Variants in NFX1 observed in about 807,000 individuals in gnomAD.
NFX1 encodes nuclear transcription factor, X-box binding 1, also known as transcriptional repressor NF-X1.
NFX1 carries 69 observed loss-of-function variants against 137.2 expected under a neutral mutation model. The ratio of observed to expected loss-of-function variants is 0.50; its 90% CI spans 0.41 to 0.61. The LOEUF (loss-of-function observed/expected upper bound fraction) is 0.61, where lower values mean the gene tolerates loss of function less well. Ranked by LOEUF, NFX1 falls within the 20% of genes least tolerant of loss-of-function variation. NFX1 has a pLI of 0.00. For synonymous variants in NFX1, 495 were observed against 474.1 expected (o/e 1.04, Z -0.57); for missense variants, 1,167 against 1,391.0 (o/e 0.84, Z 2.56).
At chr9:33,332,280 CCT>C (rs1822834823) in intron 10 of NFX1, among the ~76,000 whole-genome samples, 190 bp from the exon 11 acceptor site, 1 of 152,114 alleles carries the variant, frequency 6.6e-6, no homozygotes, top group Non-Finnish European at 1.5e-5. Flanking sequence ...AGCCTGGAGT[CCT>C]CTTGTGAGTA....
At position 33,344,082 on chromosome 9, in the gene NFX1, A is replaced by G. The variant is rs2118586502; in HGVS notation, c.2238A>G (p.Leu746=). ...QTCWQASFDE[L]TCHCGASVIY... Reference sequence around the variant, plus strand: ...CTGCTCCACCAGGTTTTGATGAATTAACCTGCCATTGTGGTGCATCAGTGA... The same window carrying G: ...CTGCTCCACCAGGTTTTGATGAATTGACCTGCCATTGTGGTGCATCAGTGA... The change falls in exon 14 of 24, where the codon TTA becomes TTG. Residue 746 remains leucine, a synonymous_variant. Transcript: ENST00000379540. 6 of 1,614,052 alleles carry G rather than the reference A, an allele frequency of 3.7e-6. No homozygotes were observed. Among genetic ancestry groups the G allele is most frequent in the Non-Finnish European group, 4.2e-6 (5 of 1,179,934 alleles).
chr9:33,351,103 C>T (rs763938891), intron 15 of NFX1, among the ~76,000 whole-genome samples: 2 of 152,150 alleles, frequency 1.3e-5, no homozygotes, highest in African/African-American at 2.4e-5. Context: ...CCGAGATTGG[C>T]GCCACTGTAC....
Position 33,308,382 on chromosome 9 carries a change from C to T in NFX1, c.1376+1083C>T, listed in dbSNP as rs116862346. Among the ~76,000 whole-genome samples, 1,210 of 152,242 alleles carry T rather than the reference C, an allele frequency of 7.9e-3. 6 individuals carry two copies. The highest frequency in any genetic ancestry group is 0.012 in the Non-Finnish European group (846 of 68,010). On this transcript the variant is annotated intron_variant, in intron 5 of 23. Coordinates refer to ENST00000379540, the MANE Select transcript of NFX1 (RefSeq NM_002504.6). ...ATTTGAGTCCAGGAGTTCACGGCTG[C>T]AGTGAGCTGTGATTGCACTATTGCA...
Position 33,370,107 on chromosome 9 carries a change from C to A in NFX1, c.*129C>A. 1.5e-6 allele frequency: 1 copy of A among 657,690 alleles called. No individual in the cohort carries two copies. The highest frequency in any genetic ancestry group is 2.6e-6 in the Non-Finnish European group (1 of 379,684). The allele number at this position is 657,690 out of a possible 1,614,324, so 40.7% of individuals were successfully genotyped here. Reference sequence around the variant, plus strand: ...TCTCACATACTGTCTTGTACTGACACATCCAAAGCATGAGTGTGTCAGAAA... The same window carrying A: ...TCTCACATACTGTCTTGTACTGACAAATCCAAAGCATGAGTGTGTCAGAAA... On this transcript the variant is annotated 3_prime_UTR_variant, in exon 24 of 24. Transcript: ENST00000379540.
intron 16 of NFX1, 155 bp downstream of exon 16, chr9:33,351,945 A>G (rs1823653043): frequency 2.9e-6 from 2 of 687,808 alleles, no homozygotes; most frequent in Non-Finnish European, 4.5e-6. Flanking sequence ...TAAGTCATAC[A>G]AGTTTCTGCC....
In NFX1 at chr9:33,294,782, G is replaced by C. The variant is rs758715470; in HGVS notation, c.388G>C (p.Asp130His). The C allele has an allele frequency of 1.2e-6, 2 of 1,614,102 alleles. No homozygotes were observed. The highest frequency in any genetic ancestry group is 2.2e-5 in the East Asian group (1 of 44,892). ...ACAGAGTCTTGCTGAGCAGACCTCAGATACAGCTGGATTAGAGAGCTCGAC... is the reference window on the plus strand; with the variant it reads ...ACAGAGTCTTGCTGAGCAGACCTCACATACAGCTGGATTAGAGAGCTCGAC... ...KAQSLAEQTS[D>H]TAGLESSTRS... The change falls in exon 2 of 24, where the codon GAT becomes CAT. Residue 130 changes from aspartate (D) to histidine (H), a missense_variant. By Grantham distance (81) the Asp-to-His change is moderately conservative (BLOSUM62 -1). Coordinates refer to ENST00000379540, the MANE Select transcript of NFX1 (RefSeq NM_002504.6).
chr9:33,361,340 ATATT>A (rs529061290), intron 19 of NFX1, among the ~76,000 whole-genome samples: 266 of 152,328 alleles, frequency 1.7e-3, no homozygotes, highest in African/African-American at 6.1e-3. Context: ...AAAATGGTAT[ATATT>A]TATGGTAATA....
In NFX1 at chr9:33,342,732, A is replaced by G. The variant is rs1364460511; in HGVS notation, c.2116-14A>G. 6.4e-6 allele frequency: 10 copies of G among 1,568,690 alleles called. No homozygotes were observed. The highest frequency in any genetic ancestry group is 8.7e-6 in the Non-Finnish European group (10 of 1,152,996). ...AAGACCATTTTATGAACAAATATAA[A>G]TCTCTTTTCCCAGGATAAGGAGCAC... is the stretch of plus-strand genomic sequence containing the variant. On this transcript the variant is annotated splice_polypyrimidine_tract_variant and intron_variant, in intron 12 of 23. Coordinates refer to ENST00000379540, the MANE Select transcript of NFX1 (RefSeq NM_002504.6).
chr9:33,353,310 T>A (rs1823707123), intron 17 of NFX1, among the ~76,000 whole-genome samples: 1 of 152,170 alleles, frequency 6.6e-6, no homozygotes, highest in Non-Finnish European at 1.5e-5. Flanking sequence ...GCTCCTCTGG[T>A]GTGAGGGTTT....
At chr9:33,327,068 G>T (rs1268307272) in intron 9 of NFX1, among the ~76,000 whole-genome samples, 1 of 152,018 alleles carries the variant, frequency 6.6e-6, no homozygotes, top group Non-Finnish European at 1.5e-5. Context: ...TAGGAAAGGA[G>T]TATTAGAATA....
rs554093222 is a variant in NFX1, at chr9:33,352,438, GGGGGCATTGTGGAC to G, written c.2656-201_2656-188del. 1.3e-4 allele frequency: 88 copies of G among 668,600 alleles called. 1 individual carries two copies. The African/African-American group carries it at 1.4e-3, about 11-fold the overall frequency. 41.4% of individuals were successfully genotyped at this position (668,600 alleles called of 1,614,324 possible). ...TTAAGAACAGAGGTGGTTTCCAAAA[GGGGGCATTGTGGAC>G]GGGGCAATTCTTTCCTAGCATGTCA... On this transcript the variant is annotated intron_variant, in intron 16 of 23. Transcript: ENST00000379540.
chr9:33,311,093 C>A lies in NFX1; in HGVS notation c.1377-13C>A, dbSNP rs901710340. On this transcript the variant is annotated splice_polypyrimidine_tract_variant and intron_variant, in intron 5 of 23. Coordinates refer to ENST00000379540, the MANE Select transcript of NFX1 (RefSeq NM_002504.6). ...ATGGCTGTGGTTTATTCAGTGAAAC[C>A]TTTCTCTTTCAGTCTCTGCCATCCA... 3 of 1,613,812 alleles carry A rather than the reference C, an allele frequency of 1.9e-6. No homozygotes were observed. Among genetic ancestry groups the A allele is most frequent in the African/African-American group, 1.3e-5 (1 of 74,922 alleles).
intron 13 of NFX1, among the ~76,000 whole-genome samples, chr9:33,343,096 C>T (rs1410528397): frequency 6.6e-6 from 1 of 152,150 alleles, no homozygotes; most frequent in African/African-American, 2.4e-5. Context: ...GATTCCTTCT[C>T]TGCTACATGC....
rs1821122183 is a variant in NFX1 at position 33,290,654 on chromosome 9, G to C, written c.25+57G>C. 5.1e-6 allele frequency: 8 copies of C among 1,560,840 alleles called. No homozygotes were observed. The Admixed American group carries it at 1.5e-4, about 29-fold the overall frequency. ...CTTTCAGGGAGCGGAAATTGGGTCA[G>C]TGACGAAGTTCTAGGGCCTCAGCCA... On this transcript the variant is annotated intron_variant, in intron 1 of 23. Coordinates refer to ENST00000379540, the MANE Select transcript of NFX1 (RefSeq NM_002504.6).
At chr9:33,367,054 G>A (rs188400071) in intron 22 of NFX1, among the ~76,000 whole-genome samples, 122 of 152,324 alleles carry the variant, frequency 8.0e-4, no homozygotes, top group Non-Finnish European at 1.5e-3. Context: ...CAGGCAAGGG[G>A]GCCTGCCCAT....
chr9:33,320,048 A>G (rs1172116530), intron 9 of NFX1, among the ~76,000 whole-genome samples: 2 of 148,190 alleles, frequency 1.3e-5, no homozygotes, highest in East Asian at 2.0e-4. Flanking sequence ...TGCAACCTCT[A>G]CCTCCTGGGT....
chr9:33,342,694 A>AC, intron 12 of NFX1, 52 bp from the exon 13 acceptor site: 1 of 1,242,634 alleles, frequency 8.0e-7, no homozygotes, highest in Non-Finnish European at 1.1e-6. Context: ...TTATTTATGG[A>AC]AAATATAAAA....
rs116238815 is a variant in NFX1 at position 33,340,824 on chromosome 9, A to T, written c.2116-1922A>T. On this transcript the variant is annotated intron_variant, in intron 12 of 23. Transcript: ENST00000379540. ...GGGCAAAATGTTGCCACTCTCTTTG[A>T]TAAACAACAAGAGTCACCTTTGCTC... Among the ~76,000 whole-genome samples the T allele has an allele frequency of 9.5e-3, 1,449 of 152,274 alleles. 38 individuals carry two copies. The highest frequency in any genetic ancestry group is 0.033 in the African/African-American group (1,371 of 41,554).
In NFX1 at chr9:33,367,475, A is replaced by G. The variant is rs565049278; in HGVS notation, c.3186-40A>G. 3.1e-5 allele frequency: 49 copies of G among 1,601,900 alleles called. No homozygotes were observed. In the African/African-American group the frequency reaches 5.4e-4, roughly 17 times the overall value. On this transcript the variant is annotated intron_variant, in intron 22 of 23. Transcript: ENST00000379540. ...AGCTTTCTGTCCATCTCCACAAACA[A>G]TTCTCACTTTTCAATGCTTGGTGTT...
Sources: allele counts gnomAD v4.1 joint callset (sites outside exome capture counted in the v4.1 genomes callset), GRCh38; gene constraint gnomAD v4.1.1; transcripts MANE v1.5; gene names NCBI Gene and HGNC (gene_info 2026-07-23, HGNC 2026-07-21).